Variants in URB2 observed in about 807,000 individuals in gnomAD.
The protein encoded by URB2 is URB2 ribosome biogenesis homolog.
In URB2, 86 loss-of-function variants were observed where a neutral mutation model predicts 120.9. That is an observed-to-expected ratio of 0.71 (90% CI 0.60 to 0.85). URB2 has a LOEUF of 0.85. URB2 is among the 40% of genes least tolerant of loss of function. URB2 has a pLI of 0.00. For synonymous variants in URB2, 755 were observed against 758.4 expected, an observed-to-expected ratio of 1.00 and a Z score of 0.07; for missense variants, 1,765 against 1,836.5, an observed-to-expected ratio of 0.96 and a Z score of 0.71.
intron 9 of URB2, among the ~76,000 whole-genome samples, chr1:229,655,302 C>T (rs1208294301): frequency 2.6e-5 from 4 of 152,160 alleles, no homozygotes; most frequent in East Asian, 1.9e-4. Context: ...GGTGTGATCT[C>T]AGCTCACTGC....
chr1:229,649,998 C>T (rs184638221), intron 7 of URB2, among the ~76,000 whole-genome samples: 4 of 152,286 alleles, frequency 2.6e-5, no homozygotes, highest in Non-Finnish European at 4.4e-5. Flanking sequence ...CTGGGTGAAA[C>T]GCTGGAATAC....
chr1:229,641,149 A>T lies in URB2; in HGVS notation c.3635-2384A>T, dbSNP rs533801857. 6.6e-5 allele frequency among the ~76,000 whole-genome samples: 10 copies of T among 151,156 alleles called. No individual in the cohort carries two copies. The South Asian group carries it at 2.1e-3, about 32-fold the overall frequency. ...TGCCTCGGCCTCCTGAGTAGCTTGG[A>T]TTACAGGCATGCACCACCATGCCCG... On this transcript the variant is annotated intron_variant, in intron 4 of 9. Coordinates refer to ENST00000258243, the MANE Select transcript of URB2 (RefSeq NM_014777.4).
chr1:229,626,607 T>C (rs1665487191), intron 1 of URB2, among the ~76,000 whole-genome samples: 1 of 152,258 alleles, frequency 6.6e-6, no homozygotes, highest in Non-Finnish European at 1.5e-5. Context: ...TTGGTCTCTT[T>C]CTGCTGGGCA....
chr1:229,627,762 A>G lies in URB2; in HGVS notation c.126+3A>G. On this transcript the variant is annotated splice_donor_region_variant and intron_variant, in intron 2 of 9. Transcript: ENST00000258243. ...GCTTTCTTCCAAATAAAGAACAAGT[A>G]AGTTTAATGTGAAACTCATATTTTT... The G allele has an allele frequency of 6.2e-7, 1 of 1,606,900 alleles. No homozygotes were observed. The highest frequency in any genetic ancestry group is 8.5e-7 in the Non-Finnish European group (1 of 1,176,784).
chr1:229,629,868 A>G (rs1388091043), intron 2 of URB2, among the ~76,000 whole-genome samples: 3 of 152,196 alleles, frequency 2.0e-5, no homozygotes, highest in Non-Finnish European at 1.5e-5. Flanking sequence ...TCTATTCTCA[A>G]TCCTTTGTTG....
chr1:229,656,192 C>A (rs889432447), intron 9 of URB2, among the ~76,000 whole-genome samples: 10 of 152,152 alleles, frequency 6.6e-5, no homozygotes. Context: ...GCACACCAGT[C>A]GTTAACATGT....
intron 1 of URB2, among the ~76,000 whole-genome samples, chr1:229,626,747 G>A (rs1242833317): frequency 2.0e-5 from 3 of 152,248 alleles, no homozygotes; most frequent in African/African-American, 7.2e-5. Context: ...AGCCAGTTCA[G>A]CAAACACCTG....
chr1:229,659,002 G>C, intron 9 of URB2, 98 bp from the exon 10 acceptor site: 1 of 1,225,118 alleles, frequency 8.2e-7, no homozygotes, highest in South Asian at 1.5e-5. Flanking sequence ...AGGTCAGTTT[G>C]AAATTACTTG....
rs763619316 is a variant in URB2 at position 229,643,553 on chromosome 1, G to A, written c.3655G>A (p.Val1219Ile). The change falls in exon 5 of 10, where the codon GTC (valine) becomes ATC (isoleucine). Residue 1219 changes from valine (V) to isoleucine (I), a missense_variant. Transcript: ENST00000258243. Reference sequence around the variant, plus strand: ...CACAGATCCTGAAATTCCTGTTCAGGTCACTCAGGATATTGAGCCTCATTT... The same window carrying A: ...CACAGATCCTGAAATTCCTGTTCAGATCACTCAGGATATTGAGCCTCATTT... Reference protein sequence around the residue: ...VLADPEIPVQVTQDIEPHLGA... With the variant: ...VLADPEIPVQITQDIEPHLGA... 4 of 1,614,140 alleles carry A rather than the reference G, an allele frequency of 2.5e-6. No individual in the cohort carries two copies. Among genetic ancestry groups the A allele is most frequent in the East Asian group, 2.2e-5 (1 of 44,888 alleles).
chr1:229,631,255 C>T (rs896498979), intron 2 of URB2, among the ~76,000 whole-genome samples: 2 of 152,096 alleles, frequency 1.3e-5, no homozygotes, highest in Admixed American at 6.5e-5. Context: ...TAGGGCCTTG[C>T]TCTGGATTAA....
intron 5 of URB2, among the ~76,000 whole-genome samples, chr1:229,645,603 AG>A: frequency 6.6e-6 from 1 of 152,236 alleles, no homozygotes; most frequent in East Asian, 1.9e-4. Context: ...TGCTTGATTT[AG>A]TGAAATGCTG....
intron 5 of URB2, among the ~76,000 whole-genome samples, chr1:229,644,029 T>C (rs1280229464): frequency 1.3e-5 from 2 of 152,280 alleles, no homozygotes; most frequent in Non-Finnish European, 2.9e-5. Context: ...ACCATACTTC[T>C]TGAAACATGT....
intron 8 of URB2, 96 bp downstream of exon 8, chr1:229,651,418 G>A (rs1261467304): frequency 1.0e-6 from 1 of 985,958 alleles, no homozygotes; most frequent in African/African-American, 1.6e-5. Context: ...CTACTCACTT[G>A]TGTTTAAATA....
rs956410947 is a variant in URB2, at chr1:229,635,136, C to T, written c.523C>T (p.Leu175=). ...AGCCCAGTTGTTTGAGGTCATTCAC[C>T]TGGCCCTTGGCCATTATCTCTTGAT... ...VVAQLFEVIH[L]ALGHYLLILQ... Residue 175 remains leucine (L), a synonymous_variant, in exon 4 of 10, where the codon CTG becomes TTG. Transcript: ENST00000258243. The T allele has an allele frequency of 1.2e-6, 2 of 1,614,084 alleles. No individual in the cohort carries two copies. Among genetic ancestry groups the T allele is most frequent in the Non-Finnish European group, 1.7e-6 (2 of 1,179,956 alleles).
At position 229,638,131 on chromosome 1, in the gene URB2, A is replaced by C; in HGVS notation, c.3518A>C (p.Gln1173Pro). 6.2e-7 allele frequency: 1 copy of C among 1,614,216 alleles called. No individual in the cohort carries two copies. Among genetic ancestry groups the C allele is most frequent in the Non-Finnish European group, 8.5e-7 (1 of 1,180,038 alleles). The change falls in exon 4 of 10, where the codon CAG (glutamine) becomes CCG (proline). Residue 1173 changes from glutamine to proline, a missense_variant. Gln to Pro is a moderately conservative substitution (Grantham distance 76). Transcript: ENST00000258243. ...TTGCCAGCTCTCGCGGGACATGATCAGTCTTTTCAGGCAGCCTTGCAGTTT... is the reference window on the plus strand; with the variant it reads ...TTGCCAGCTCTCGCGGGACATGATCCGTCTTTTCAGGCAGCCTTGCAGTTT... ...LELPALAGHD[Q>P]SFQAALQFLT...
rs376016827 is a variant in URB2, at chr1:229,627,612, A to C, written c.-13-9A>C. On this transcript the variant is annotated splice_polypyrimidine_tract_variant and intron_variant, in intron 1 of 9. Transcript: ENST00000258243. ...TAGTATTTTTTTTCCCATTGTTTTT[A>C]AATTTTAGATAAAGCCTAGCCATGG... 2.5e-6 allele frequency: 4 copies of C among 1,600,050 alleles called. No homozygotes were observed. The Admixed American group carries it at 5.3e-5, about 21-fold the overall frequency.
At position 229,637,765 on chromosome 1, in the gene URB2, A is replaced by G; in HGVS notation, c.3152A>G (p.Gln1051Arg). Residue 1051 changes from glutamine (Q) to arginine (R), a missense_variant, in exon 4 of 10, where the codon CAG (glutamine) becomes CGG (arginine). Transcript: ENST00000258243. ...SSKQLENQNPQGRQLLLVSLT... is the reference protein window; with the variant it reads ...SSKQLENQNPRGRQLLLVSLT... ...AAACAATTAGAAAATCAGAACCCCC[A>G]GGGCAGGCAGCTCCTTCTGGTGTCT... is the stretch of plus-strand genomic sequence containing the variant. 6.2e-7 allele frequency: 1 copy of G among 1,614,140 alleles called. No homozygotes were observed. The highest frequency in any genetic ancestry group is 8.5e-7 in the Non-Finnish European group (1 of 1,180,042).
rs1179119872 is a variant in URB2, at chr1:229,635,691, G to T, written c.1078G>T (p.Val360Leu). Residue 360 changes from valine (V) to leucine (L), a missense_variant, in exon 4 of 10, where the codon GTG becomes TTG. Physicochemically the swap from Val to Leu is conservative, Grantham distance 32. Coordinates refer to ENST00000258243, the MANE Select transcript of URB2 (RefSeq NM_014777.4). ...TSDWTTELLV[V>L]EQLLNSVANN... ...AGATTGGACCACAGAGCTTTTGGTT[G>T]TGGAACAGCTACTAAACTCAGTGGC... 6.2e-7 allele frequency: 1 copy of T among 1,614,166 alleles called. No individual in the cohort carries two copies.
chr1:229,636,738 G>T lies in URB2; in HGVS notation c.2125G>T (p.Gly709Cys), dbSNP rs1411813591. ...GAGGTGCGATGCTGCCTTTATTATT[G>T]GTTCCGGCAGAAAAAGCTTGAATCA... ...SLRCDAAFIIGSGRKSLNQRT... is the reference protein window; with the variant it reads ...SLRCDAAFIICSGRKSLNQRT... The change falls in exon 4 of 10, where the codon GGT becomes TGT. Residue 709 changes from glycine (G) to cysteine (C), a missense_variant. Transcript: ENST00000258243. 1 of 1,612,194 alleles carries T rather than the reference G, an allele frequency of 6.2e-7. No individual in the cohort carries two copies. The highest frequency in any genetic ancestry group is 8.5e-7 in the Non-Finnish European group (1 of 1,179,036).
Sources: allele counts gnomAD v4.1 joint callset (sites outside exome capture counted in the v4.1 genomes callset), GRCh38; gene constraint gnomAD v4.1.1; transcripts MANE v1.5; gene names NCBI Gene and HGNC (gene_info 2026-07-23, HGNC 2026-07-21).